Variants in PRKDC observed in about 807,000 individuals in gnomAD.
The protein encoded by PRKDC is protein kinase, DNA-activated, catalytic subunit.
PRKDC carries 82 observed loss-of-function variants against 486.9 expected under a neutral mutation model. That is an observed-to-expected ratio of 0.17 (90% CI 0.14 to 0.20). The LOEUF is 0.20. PRKDC is among the 10% of genes least tolerant of loss of function. The probability of loss-of-function intolerance (pLI) is 1.00; values close to 1 mark genes in which losing one functional copy is unlikely to be tolerated. For synonymous variants in PRKDC, 1,895 were observed against 1,837.0 expected (o/e 1.03, Z -0.81); for missense variants, 4,504 against 5,038.2 (o/e 0.89, Z 3.21).
intron 49 of PRKDC, among the ~76,000 whole-genome samples, chr8:47,856,347 C>A (rs2088539817): frequency 6.6e-6 from 1 of 152,070 alleles, no homozygotes; most frequent in South Asian, 2.1e-4. Flanking sequence ...CCTGCCTCAG[C>A]CTCCCGAATA....
chr8:47,893,568 C>T (rs2089511392), intron 30 of PRKDC, among the ~76,000 whole-genome samples, 181 bp from the exon 31 acceptor site: 1 of 152,114 alleles, frequency 6.6e-6, no homozygotes, highest in South Asian at 2.1e-4. Context: ...CTTCAGGTTC[C>T]TCAAACATTA....
intron 74 of PRKDC, 40 bp from the exon 75 acceptor site, chr8:47,789,278 C>A (rs1247148945): frequency 1.2e-5 from 15 of 1,214,652 alleles, no homozygotes; most frequent in Non-Finnish European, 1.6e-5. Flanking sequence ...AATCAAATAT[C>A]TTCCAAAAAT....
At chr8:47,875,607 A>C (rs892406353) in intron 40 of PRKDC, among the ~76,000 whole-genome samples, 1 of 152,194 alleles carries the variant, frequency 6.6e-6, no homozygotes, top group Non-Finnish European at 1.5e-5. Flanking sequence ...GATAAGCTTT[A>C]TTCTTATTTT....
intron 26 of PRKDC, among the ~76,000 whole-genome samples, 156 bp downstream of exon 26, chr8:47,904,713 A>C (rs1031618716): frequency 2.0e-5 from 3 of 152,172 alleles, no homozygotes; most frequent in Non-Finnish European, 4.4e-5. Flanking sequence ...GAATTGCTTG[A>C]TCCTGGGAGG....
rs1219957306 is a variant in PRKDC, at chr8:47,957,359, A to G, written c.227T>C (p.Ile76Thr). The change falls in exon 2 of 86, where the codon ATT (isoleucine) becomes ACT (threonine). Residue 76 changes from isoleucine to threonine, a missense_variant. Transcript: ENST00000314191. Reference sequence around the variant, plus strand: ...AAACCAAAATTGTCAACTTACTTCAATACTGTTGAGTGACTTCCGGACAAA... The same window carrying G: ...AAACCAAAATTGTCAACTTACTTCAGTACTGTTGAGTGACTTCCGGACAAA... ...LVFVRKSLNS[I>T]EFRECREEIL... 3.8e-6 allele frequency: 6 copies of G among 1,597,568 alleles called. No homozygotes were observed. Among genetic ancestry groups the G allele is most frequent in the Non-Finnish European group, 5.1e-6 (6 of 1,171,276 alleles).
intron 31 of PRKDC, among the ~76,000 whole-genome samples, chr8:47,892,071 T>G (rs866910996): frequency 3.3e-5 from 5 of 152,084 alleles, no homozygotes; most frequent in African/African-American, 9.7e-5. Context: ...GATTTCGCCA[T>G]GTTGGCCAGA....
intron 25 of PRKDC, among the ~76,000 whole-genome samples, chr8:47,910,460 C>T (rs1256762436): frequency 6.6e-6 from 1 of 152,192 alleles, no homozygotes; most frequent in African/African-American, 2.4e-5. Flanking sequence ...ACCATAGACA[C>T]AATTTTCATA....
At chr8:47,914,716 G>A (rs1343757594) in intron 23 of PRKDC, among the ~76,000 whole-genome samples, 6 of 151,584 alleles carry the variant, frequency 4.0e-5, no homozygotes, top group African/African-American at 1.5e-4. Flanking sequence ...CAGGAGAATC[G>A]CTTGAACCTG....
At chr8:47,807,713 C>G (rs1350348243) in intron 68 of PRKDC, among the ~76,000 whole-genome samples, 1 of 148,088 alleles carries the variant, frequency 6.8e-6, no homozygotes, top group Non-Finnish European at 1.5e-5. Context: ...CCACCGCACC[C>G]GGCCTACTTA....
At position 47,803,568 on chromosome 8, in the gene PRKDC, G is replaced by A. The variant is rs1414081685; in HGVS notation, c.9748-88C>T. 2.6e-5 allele frequency: 31 copies of A among 1,195,756 alleles called. No individual in the cohort carries two copies. In the Admixed American group the frequency reaches 3.4e-4, roughly 13 times the overall value. 74.1% of individuals were successfully genotyped at this position (1,195,756 alleles called of 1,614,324 possible). On this transcript the variant is annotated intron_variant, in intron 69 of 85. Transcript: ENST00000314191. The stretch of plus-strand genomic sequence containing the variant: ...AATTGGCCTGCTTCCCCCTTTGCAC[G>A]ACACAATCCACCTTAGAGTAGCGAA...
chr8:47,810,580 A>G (rs999980545), intron 68 of PRKDC, among the ~76,000 whole-genome samples: 2 of 152,236 alleles, frequency 1.3e-5, no homozygotes, highest in African/African-American at 4.8e-5. Flanking sequence ...ATCCATCTCA[A>G]CAGAAAACAG....
rs1023542673 is a variant in PRKDC, at chr8:47,960,134, A to G, written c.-8T>C. The stretch of plus-strand genomic sequence containing the variant: ...GGCTCCGGAGCCCGCCATGCCGCCG[A>G]GTCCCGCTCCCGCGCGTGCGCCCGC... On this transcript the variant is annotated 5_prime_UTR_variant, in exon 1 of 86. Coordinates refer to ENST00000314191, the MANE Select transcript of PRKDC (RefSeq NM_006904.7). The G allele has an allele frequency of 8.8e-6, 13 of 1,477,012 alleles. No individual in the cohort carries two copies. Among genetic ancestry groups the G allele is most frequent in the African/African-American group, 1.5e-5 (1 of 68,454 alleles). The allele number at this position is 1,477,012 out of a possible 1,614,324, so 91.5% of individuals were successfully genotyped here. A position where few individuals can be genotyped will look rare whatever the true frequency, so the allele number is the denominator to read the frequency against.
chr8:47,909,134 A>T (rs1170180199), intron 25 of PRKDC, among the ~76,000 whole-genome samples: 1 of 152,168 alleles, frequency 6.6e-6, no homozygotes, highest in African/African-American at 2.4e-5. Context: ...TAACACTCTT[A>T]GGATTGGTTT....
At chr8:47,903,007 T>C (rs958969403) in intron 26 of PRKDC, among the ~76,000 whole-genome samples, 3 of 152,138 alleles carry the variant, frequency 2.0e-5, no homozygotes, top group Non-Finnish European at 4.4e-5. Context: ...AATGAAAACA[T>C]TTTCTTTTAA....
intron 71 of PRKDC, 48 bp downstream of exon 71, chr8:47,800,745 T>C (rs2087089081): frequency 3.3e-6 from 5 of 1,498,068 alleles, no homozygotes; most frequent in Non-Finnish European, 4.5e-6. Flanking sequence ...ACACTGCACA[T>C]TGAAGACATA....
Position 47,892,246 on chromosome 8 carries a change from GTAA to G in PRKDC, c.3847+890_3847+892del, listed in dbSNP as rs200321246. 1.1e-4 allele frequency among the ~76,000 whole-genome samples: 17 copies of G among 152,224 alleles called. No homozygotes were observed. In the East Asian group the frequency reaches 3.1e-3, roughly 28 times the overall value. On this transcript the variant is annotated intron_variant, in intron 31 of 85. Transcript: ENST00000314191. Reference sequence around the variant, plus strand: ...AACCGCATAATTTTACATTTTATGTGTAATAATTACCAAAATTTTTATTATATT... The same window carrying G: ...AACCGCATAATTTTACATTTTATGTGTAATTACCAAAATTTTTATTATATT...
At chr8:47,913,322 C>G (rs1179280573) in intron 24 of PRKDC, among the ~76,000 whole-genome samples, 1 of 152,140 alleles carries the variant, frequency 6.6e-6, no homozygotes, top group Non-Finnish European at 1.5e-5. Flanking sequence ...CAAGCATAGC[C>G]CGAATATCAC....
chr8:47,779,195 C>A, intron 80 of PRKDC, 102 bp from the exon 81 acceptor site: 4 of 816,096 alleles, frequency 4.9e-6, no homozygotes, highest in Admixed American at 2.9e-5. Flanking sequence ...AGCAAAGAGG[C>A]AGGAAAAAAT....
Position 47,939,663 on chromosome 8 carries a change from T to C in PRKDC, c.1001A>G (p.His334Arg). The C allele has an allele frequency of 2.5e-6, 4 of 1,605,060 alleles. No homozygotes were observed. The highest frequency in any genetic ancestry group is 3.4e-6 in the Non-Finnish European group (4 of 1,176,938). The change falls in exon 11 of 86, where the codon CAT becomes CGT. Residue 334 changes from histidine (H) to arginine (R), a missense_variant. Transcript: ENST00000314191. ...SNMVAKNAEM[H>R]KNKLQYFMEQ... Reference sequence around the variant, plus strand: ...CATAAAGTACTGCAGTTTATTTTTATGCATTTCTGCATTTTTCGCCACCAT... The same window carrying C: ...CATAAAGTACTGCAGTTTATTTTTACGCATTTCTGCATTTTTCGCCACCAT...
Sources: gnomAD v4.1 joint callset for allele counts (sites outside exome capture counted in the v4.1 genomes callset) on GRCh38, gnomAD v4.1.1 for gene constraint, MANE v1.5 for transcripts, NCBI Gene and HGNC (gene_info 2026-07-23, HGNC 2026-07-21) for gene names.